The following TSNARE1 variants were observed in gnomAD, a reference collection of about 807,000 sequenced individuals.
TSNARE1 encodes the protein t-SNARE domain-containing protein 1.
Under a neutral mutation model 62.0 loss-of-function variants are expected in TSNARE1, and 49 were observed. The ratio of observed to expected loss-of-function variants is 0.79; its 90% CI spans 0.63 to 1.00. TSNARE1 has a LOEUF of 1.00. Among genes scored for constraint, TSNARE1 ranks in the 50% least tolerant of loss-of-function variants. The pLI is 0.00. For synonymous variants in TSNARE1, 328 were observed against 294.4 expected (o/e 1.11, Z -1.17); for missense variants, 755 against 700.1 (o/e 1.08, Z -0.88).
At chr8:142,394,257 C>A (rs1837742412) in intron 1 of TSNARE1, among the ~76,000 whole-genome samples, 2 of 152,340 alleles carry the variant, frequency 1.3e-5, no homozygotes, top group East Asian at 1.9e-4. Context: ...AGGTGCTCTG[C>A]CCATCGGACC....
At chr8:142,375,511 G>A (rs942988496) in intron 1 of TSNARE1, among the ~76,000 whole-genome samples, 7 of 152,174 alleles carry the variant, frequency 4.6e-5, no homozygotes, top group Non-Finnish European at 8.8e-5. Flanking sequence ...CAGCTTCCTC[G>A]GCTCCAAGGG....
intron 4 of TSNARE1, among the ~76,000 whole-genome samples, chr8:142,341,543 G>T (rs1353420042): frequency 6.6e-6 from 1 of 152,176 alleles, no homozygotes; most frequent in African/African-American, 2.4e-5. Flanking sequence ...CACCTGGGGC[G>T]CATCCAGACA....
intron 9 of TSNARE1, among the ~76,000 whole-genome samples, chr8:142,306,666 CCCA>C (rs1436431729): frequency 6.6e-6 from 1 of 152,230 alleles, no homozygotes; most frequent in Non-Finnish European, 1.5e-5. Context: ...CCCCAGTCCC[CCCA>C]CATCAGCCTA....
chr8:142,331,713 G>A (rs1251182266), intron 5 of TSNARE1, 41 bp downstream of exon 5: 1 of 1,538,496 alleles, frequency 6.5e-7, no homozygotes. Flanking sequence ...GGTCCAGGGT[G>A]CCTGGATGGA....
intron 13 of TSNARE1, among the ~76,000 whole-genome samples, chr8:142,228,713 C>T (rs1361083230): frequency 6.6e-6 from 1 of 152,188 alleles, no homozygotes. Flanking sequence ...CCCTAGAGCC[C>T]ATCCCATGCC....
intron 1 of TSNARE1, among the ~76,000 whole-genome samples, chr8:142,375,956 C>T (rs77539928): frequency 1.2e-3 from 188 of 152,314 alleles, no homozygotes; most frequent in Non-Finnish European, 2.0e-3. Flanking sequence ...CCTCCTAGAT[C>T]TGGCTGCCCC....
chr8:142,390,582 A>G lies in TSNARE1; in HGVS notation c.-40+12522T>C, dbSNP rs74979026. Among the ~76,000 whole-genome samples, 45 of 54,818 alleles carry G rather than the reference A, an allele frequency of 8.2e-4. 2 individuals carry two copies. Among genetic ancestry groups the G allele is most frequent in the East Asian group, 1.7e-3 (2 of 1,186 alleles). The allele number at this position is 54,818 out of a possible 152,430, so 36.0% of individuals were successfully genotyped here. On this transcript the variant is annotated intron_variant, in intron 1 of 13. Transcript: ENST00000524325. ...GACGCTGTACACTGCAGGGGACTCT[A>G]TAGCAGACGCTGTACACTGCTGGGG...
At chr8:142,271,994 C>T (rs1017700146) in intron 12 of TSNARE1, among the ~76,000 whole-genome samples, 1 of 152,048 alleles carries the variant, frequency 6.6e-6, no homozygotes, top group African/African-American at 2.4e-5. Flanking sequence ...CTCCCCTGTG[C>T]TCCATCCGCT....
In TSNARE1 at chr8:142,242,947, CAAAAA is replaced by C. The variant is rs35092120; in HGVS notation, c.1447-13373_1447-13369del. On this transcript the variant is annotated intron_variant, in intron 12 of 13. Coordinates refer to ENST00000524325, the MANE Select transcript of TSNARE1 (RefSeq NM_145003.5). ...GGGCAACAAGAGTGAAACTCTGTCT[CAAAAA>C]AAAAAAAAAAAAAAAAAAGCTAACA... Among the ~76,000 whole-genome samples the C allele has an allele frequency of 7.8e-4, 40 of 51,370 alleles. No homozygotes were observed. In the East Asian group the frequency reaches 0.022, roughly 29 times the overall value. 33.7% of individuals were successfully genotyped at this position (51,370 alleles called of 152,430 possible).
chr8:142,268,717 G>A (rs1211435677), intron 12 of TSNARE1, among the ~76,000 whole-genome samples: 1 of 152,222 alleles, frequency 6.6e-6, no homozygotes, highest in Non-Finnish European at 1.5e-5. Flanking sequence ...TCCTTCAAGG[G>A]AGGGTGTGTG....
At chr8:142,227,076 C>T (rs1288203038) in intron 13 of TSNARE1, among the ~76,000 whole-genome samples, 11 of 149,338 alleles carry the variant, frequency 7.4e-5, no homozygotes, top group East Asian at 2.0e-4. Context: ...ACCCACACAG[C>T]AGTGACAGCC....
intron 12 of TSNARE1, among the ~76,000 whole-genome samples, chr8:142,254,323 G>A (rs990488234): frequency 5.9e-5 from 9 of 152,090 alleles, no homozygotes; most frequent in Admixed American, 2.0e-4. Flanking sequence ...CCCATGCCCC[G>A]GCCTCTCCCT....
chr8:142,332,125 C>T (rs544093434), intron 4 of TSNARE1, among the ~76,000 whole-genome samples: 9 of 152,298 alleles, frequency 5.9e-5, no homozygotes, highest in East Asian at 1.9e-4. Context: ...CGTGTGTGCC[C>T]GGAAGCTACG....
chr8:142,271,772 T>G, intron 12 of TSNARE1: 2 of 1,049,534 alleles, frequency 1.9e-6, no homozygotes. Context: ...GCAGGGAGAG[T>G]GCCCATGTGA....
intron 1 of TSNARE1, among the ~76,000 whole-genome samples, chr8:142,368,298 T>G (rs1835693877): frequency 6.6e-6 from 1 of 151,834 alleles, no homozygotes; most frequent in African/African-American, 2.4e-5. Flanking sequence ...AACAGAAAAT[T>G]TACACACACA....
At chr8:142,255,325 CATT>C (rs1219562361) in intron 12 of TSNARE1, among the ~76,000 whole-genome samples, 1 of 151,584 alleles carries the variant, frequency 6.6e-6, no homozygotes, top group African/African-American at 2.4e-5. Context: ...CCAGCCACAT[CATT>C]ATCACCACCA....
intron 1 of TSNARE1, among the ~76,000 whole-genome samples, chr8:142,362,760 G>A (rs76039863): frequency 0.028 from 4,275 of 152,300 alleles, 67 homozygotes; most frequent in East Asian, 0.068. Context: ...CCCAGTCCAG[G>A]AGCAGAAGAC....
intron 1 of TSNARE1, among the ~76,000 whole-genome samples, chr8:142,402,306 C>T (rs1438326338): frequency 6.6e-6 from 1 of 152,186 alleles, no homozygotes; most frequent in African/African-American, 2.4e-5. Context: ...ACCCGCGCTG[C>T]CCCACACAGC....
chr8:142,222,017 TCACTCATC>T (rs1190873446), intron 13 of TSNARE1, among the ~76,000 whole-genome samples: 9 of 144,898 alleles, frequency 6.2e-5, no homozygotes, highest in South Asian at 2.2e-4. Context: ...ACTCACTCAC[TCACTCATC>T]CACTCACTCA....
Sources: gnomAD v4.1 joint callset for allele counts (sites outside exome capture counted in the v4.1 genomes callset) on GRCh38, gnomAD v4.1.1 for gene constraint, MANE v1.5 for transcripts, NCBI Gene and HGNC (gene_info 2026-07-23, HGNC 2026-07-21) for gene names.